The following SNX15 variants were observed in gnomAD, a reference collection of about 807,000 sequenced individuals.
SNX15 encodes the protein sorting nexin 15.
In SNX15, 29 loss-of-function variants were observed where a neutral mutation model predicts 35.2. The ratio of observed to expected loss-of-function variants is 0.82; its 90% CI spans 0.61 to 1.12. SNX15 has a LOEUF of 1.12. Among genes scored for constraint, SNX15 ranks in the 50% most tolerant of loss-of-function variants. SNX15 has a pLI of 0.00. For missense variants in SNX15, 400 were observed against 451.5 expected (o/e 0.89, Z 1.03); for synonymous variants, 189 against 188.2 (o/e 1.00, Z -0.03).
chr11:65,035,163 G>A lies in SNX15; in HGVS notation c.477G>A (p.Leu159=), dbSNP rs774667566. Residue 159 remains leucine, a synonymous_variant, in exon 5 of 8, where the codon CTG becomes CTA. Transcript: ENST00000377244. ...PPPDDPRLSQ[L]LPAERRGLEE... ...CTGATGACCCCCGGCTATCCCAACT[G>A]CTCCCTGCAGAAAGGAGGGGCCTCG... The A allele has an allele frequency of 6.3e-7, 1 of 1,589,202 alleles. No homozygotes were observed. The highest frequency in any genetic ancestry group is 1.1e-5 in the South Asian group (1 of 87,680).
intron 1 of SNX15, among the ~76,000 whole-genome samples, chr11:65,031,760 A>G (rs1179671593): frequency 6.6e-6 from 1 of 152,164 alleles, no homozygotes; most frequent in African/African-American, 2.4e-5. Context: ...AAACATTAGC[A>G]AGCGTGGTGG....
intron 1 of SNX15, among the ~76,000 whole-genome samples, chr11:65,031,588 C>T (rs1946439817): frequency 6.6e-6 from 1 of 152,190 alleles, no homozygotes; most frequent in Non-Finnish European, 1.5e-5. Context: ...GATGGAGGGA[C>T]TTGGTCTGTT....
rs114564619 is a variant in SNX15, at chr11:65,039,764, G to A, written c.1001G>A (p.Arg334His). 8.7e-4 allele frequency: 1,408 copies of A among 1,612,866 alleles called. 10 individuals carry two copies. In the African/African-American group the frequency reaches 0.014, roughly 16 times the overall value. ...CTGAAGCGGGCAGAGGAGATCCTGCGCCTGCACCTGTCTCAACTCCCACCC... is the reference window on the plus strand; with the variant it reads ...CTGAAGCGGGCAGAGGAGATCCTGCACCTGCACCTGTCTCAACTCCCACCC... Reference protein sequence around the residue: ...EYLKRAEEILRLHLSQLPP With the variant: ...EYLKRAEEILHLHLSQLPP Residue 334 changes from arginine to histidine, a missense_variant, in exon 8 of 8, where the codon CGC (arginine) becomes CAC (histidine). By Grantham distance (29) the Arg-to-His change is conservative. Coordinates refer to ENST00000377244, the MANE Select transcript of SNX15 (RefSeq NM_013306.5).
Position 65,032,449 on chromosome 11 carries a change from T to C in SNX15, c.154T>C (p.Tyr52His). 3 of 1,614,168 alleles carry C rather than the reference T, an allele frequency of 1.9e-6. No homozygotes were observed. The highest frequency in any genetic ancestry group is 2.5e-6 in the Non-Finnish European group (3 of 1,180,026). The change falls in exon 3 of 8, where the codon TAC becomes CAC. Residue 52 changes from tyrosine (Y) to histidine (H), a missense_variant. Physicochemically the swap from Tyr to His is moderately conservative, Grantham distance 83. Coordinates refer to ENST00000377244, the MANE Select transcript of SNX15 (RefSeq NM_013306.5). ...DVKEVVVWKR[Y>H]SDFRKLHGDL... ...CTCATAGGTGGTGGTCTGGAAGCGGTACAGCGACTTCCGCAAGCTGCATGG... is the reference window on the plus strand; with the variant it reads ...CTCATAGGTGGTGGTCTGGAAGCGGCACAGCGACTTCCGCAAGCTGCATGG...
rs1411808961 is a variant in SNX15, at chr11:65,038,560, T to G, written c.665-12T>G. ...GGCCAGTCTGGTCCGAGTCCTCCCT[T>G]TCTAACTGCAGAAGGCGCAGCCCCC... On this transcript the variant is annotated splice_polypyrimidine_tract_variant and intron_variant, in intron 6 of 7. Transcript: ENST00000377244. 4 of 1,520,768 alleles carry G rather than the reference T, an allele frequency of 2.6e-6. No individual in the cohort carries two copies. Among genetic ancestry groups the G allele is most frequent in the Non-Finnish European group, 2.6e-6 (3 of 1,136,538 alleles). 94.2% of individuals were successfully genotyped at this position (1,520,768 alleles called of 1,614,324 possible).
intron 6 of SNX15, 116 bp from the exon 7 acceptor site, chr11:65,038,456 T>A (rs1425975821): frequency 4.5e-6 from 6 of 1,339,946 alleles, no homozygotes; most frequent in Admixed American, 3.1e-5. Context: ...CTGGCATTGG[T>A]CCCCTCTACT....
intron 4 of SNX15, 35 bp downstream of exon 4, chr11:65,034,997 C>T (rs750233949): frequency 6.2e-7 from 1 of 1,613,276 alleles, no homozygotes; most frequent in Non-Finnish European, 8.5e-7. Context: ...GAACTTGGGC[C>T]ACTTACCCAC....
In SNX15 at chr11:65,032,429, AGGTGGT is replaced by A; in HGVS notation, c.138_143del (p.Val47_Val48del). On this transcript the variant is annotated splice_acceptor_variant and coding_sequence_variant, in exon 3 of 8. Coordinates refer to ENST00000377244, the MANE Select transcript of SNX15 (RefSeq NM_013306.5). LOFTEE classifies it high-confidence loss of function. ...TCTGGGCAAGTCTCATGTACCTCAT[AGGTGGT>A]GGTCTGGAAGCGGTACAGCGACTTC... 6.2e-7 allele frequency: 1 copy of A among 1,614,096 alleles called. No homozygotes were observed. Among genetic ancestry groups the A allele is most frequent in the Non-Finnish European group, 8.5e-7 (1 of 1,180,008 alleles).
Position 65,035,844 on chromosome 11 carries a change from C to CGTGGT in SNX15, c.664+190_664+194dup, listed in dbSNP as rs1032164510. 1.4e-5 allele frequency: 8 copies of CGTGGT among 579,530 alleles called. No individual in the cohort carries two copies. The Admixed American group carries it at 1.8e-4, about 13-fold the overall frequency. The allele number at this position is 579,530 out of a possible 1,614,324, so 35.9% of individuals were successfully genotyped here. A position where few individuals can be genotyped will look rare whatever the true frequency, so the allele number is the denominator to read the frequency against. ...GAATTAGAAGCCCTGTGCCAGGGCA[C>CGTGGT]GTGGTGTGGTGTGCTGGATGCACCT... On this transcript the variant is annotated intron_variant, in intron 6 of 7. Coordinates refer to ENST00000377244, the MANE Select transcript of SNX15 (RefSeq NM_013306.5).
At chr11:65,030,127 C>T (rs527466588) in intron 1 of SNX15, among the ~76,000 whole-genome samples, 97 of 151,970 alleles carry the variant, frequency 6.4e-4, no homozygotes, top group Non-Finnish European at 3.1e-4. Context: ...GAGGCCAAGG[C>T]GGGTGGATCA....
At chr11:65,035,756 G>A (rs990614944) in intron 6 of SNX15, 93 bp downstream of exon 6, 12 of 1,339,622 alleles carry the variant, frequency 9.0e-6, no homozygotes, top group African/African-American at 8.8e-5. Context: ...CAGTGCCTGC[G>A]CAGATCAGGG....
At chr11:65,030,888 C>T (rs561070549) in intron 1 of SNX15, among the ~76,000 whole-genome samples, 1 of 152,326 alleles carries the variant, frequency 6.6e-6, no homozygotes, top group South Asian at 2.1e-4. Context: ...GTTTTAGTCC[C>T]AGCCATCTTT....
chr11:65,027,982 A>C lies in SNX15; in HGVS notation c.99+346A>C, dbSNP rs141819454. On this transcript the variant is annotated intron_variant, in intron 1 of 7. Transcript: ENST00000377244. ...AAATATTAGTACTCCATTCTCGTAG[A>C]GTAAGTTTTGTTTATTGGTTTGTTT... Among the ~76,000 whole-genome samples, 151 of 152,360 alleles carry C rather than the reference A, an allele frequency of 9.9e-4. 1 individual carries two copies. The highest frequency in any genetic ancestry group is 3.4e-3 in the African/African-American group (143 of 41,576).
At position 65,038,824 on chromosome 11, in the gene SNX15, T is replaced by TC; in HGVS notation, c.921dup (p.Ser308GlnfsTer2). On this transcript the variant is annotated frameshift_variant, in exon 7 of 8. Coordinates refer to ENST00000377244, the MANE Select transcript of SNX15 (RefSeq NM_013306.5). LOFTEE classifies it high-confidence loss of function. ...GGCGTGCACGTCTTGCTTCAGGGAG[T>TC]CCCCAGTGAGTAGGGACTGAGGGTG... 1 of 1,579,104 alleles carries TC rather than the reference T, an allele frequency of 6.3e-7. No homozygotes were observed. Among genetic ancestry groups the TC allele is most frequent in the Non-Finnish European group, 8.6e-7 (1 of 1,160,938 alleles).
At chr11:65,030,353 C>A (rs1323782812) in intron 1 of SNX15, among the ~76,000 whole-genome samples, 2 of 149,888 alleles carry the variant, frequency 1.3e-5, no homozygotes, top group Non-Finnish European at 3.0e-5. Context: ...GACTCCATCT[C>A]AAAAAAAAAT....
In SNX15 at chr11:65,032,514, C is replaced by T. The variant is rs777666275; in HGVS notation, c.219C>T (p.Leu73=). ...AYTHRNLFRR[L]EEFPAFPRAQ... ...CCCACCGCAACCTCTTCCGCCGCCT[C>T]GAGGAGTTCCCTGCTTTCCCCCGGG... The change falls in exon 3 of 8, where the codon CTC becomes CTT. Residue 73 remains leucine (L), a synonymous_variant. Coordinates refer to ENST00000377244, the MANE Select transcript of SNX15 (RefSeq NM_013306.5). The T allele has an allele frequency of 8.1e-6, 13 of 1,614,060 alleles. No homozygotes were observed. Among genetic ancestry groups the T allele is most frequent in the Admixed American group, 5.0e-5 (3 of 60,008 alleles).
rs1204821562 is a variant in SNX15, at chr11:65,027,621, C to T, written c.84C>T (p.Tyr28=). The T allele has an allele frequency of 6.2e-7, 1 of 1,613,568 alleles. No individual in the cohort carries two copies. Among genetic ancestry groups the T allele is most frequent in the Non-Finnish European group, 8.5e-7 (1 of 1,179,648 alleles). ...CTCACCCCAAGGGCTACACCGAGTA[C>T]AAAGTAACCGCGCAGGTGAGGTGGG... ...PRTHPKGYTE[Y]KVTAQFISKK... Residue 28 remains tyrosine (Y), a synonymous_variant, in exon 1 of 8, where the codon TAC becomes TAT. Coordinates refer to ENST00000377244, the MANE Select transcript of SNX15 (RefSeq NM_013306.5).
At chr11:65,031,481 G>A (rs1946438769) in intron 1 of SNX15, among the ~76,000 whole-genome samples, 1 of 152,248 alleles carries the variant, frequency 6.6e-6, no homozygotes, top group South Asian at 2.1e-4. Context: ...TCTGTGTCCA[G>A]GGCGCTGAAG....
At chr11:65,034,712 G>A (rs961561552) in intron 3 of SNX15, 135 bp from the exon 4 acceptor site, 35 of 644,838 alleles carry the variant, frequency 5.4e-5, no homozygotes, top group Non-Finnish European at 8.6e-5. Context: ...AACCAGGGCA[G>A]ATTGCTGGGA....
Sources: gnomAD v4.1 joint callset for allele counts (sites outside exome capture counted in the v4.1 genomes callset) on GRCh38, gnomAD v4.1.1 for gene constraint, MANE v1.5 for transcripts, NCBI Gene and HGNC (gene_info 2026-07-23, HGNC 2026-07-21) for gene names.